Variants in ANTXRL observed in about 807,000 individuals in gnomAD.
ANTXRL encodes the protein ANTXR like, also known as anthrax toxin receptor-like.
A neutral mutation model predicts 75.4 loss-of-function variants in ANTXRL; 63 were observed. The ratio of observed to expected loss-of-function variants is 0.84; its 90% CI spans 0.68 to 1.03. The LOEUF (loss-of-function observed/expected upper bound fraction) is 1.03, where lower values mean the gene tolerates loss of function less well. ANTXRL is among the 50% of genes least tolerant of loss of function. The pLI, the probability that ANTXRL is intolerant of heterozygous loss-of-function variation, is 0.00. For synonymous variants in ANTXRL, 335 were observed against 291.3 expected (o/e 1.15, Z -1.53); for missense variants, 797 against 789.4 (o/e 1.01, Z -0.12).
chr10:46,307,378 C>A (rs782788224), intron 11 of ANTXRL, 24 bp from the exon 12 acceptor site: 2 of 1,511,130 alleles, frequency 1.3e-6, no homozygotes, highest in South Asian at 1.2e-5. Context: ...CTGGCTCTCA[C>A]CATCTGCATT....
At position 46,311,607 on chromosome 10, in the gene ANTXRL, C is replaced by G. The variant is rs781968072; in HGVS notation, c.1271C>G (p.Pro424Arg). The G allele has an allele frequency of 1.1e-5, 15 of 1,404,332 alleles. No individual in the cohort carries two copies. In the East Asian group the frequency reaches 3.2e-4, roughly 30 times the overall value. 87.0% of individuals were successfully genotyped at this position (1,404,332 alleles called of 1,614,324 possible). Reference sequence around the variant, plus strand: ...CCCCCAGCTCCTGTAAACACCTGCCCCACTGTGATTATTTGTTGCTGTGGA... The same window carrying G: ...CCCCCAGCTCCTGTAAACACCTGCCGCACTGTGATTATTTGTTGCTGTGGA... ...PPPPAPVNTC[P>R]TVIICCCGCQ... Residue 424 changes from proline to arginine, a missense_variant, in exon 15 of 17, where the codon CCC becomes CGC. Physicochemically the swap from Pro to Arg is moderately radical, Grantham distance 103. This residue lies in a region of ANTXRL where 479 missense variants were observed against 422.0 expected (regional missense o/e 1.14). Transcript: ENST00000620264.
At chr10:46,323,013 G>A (rs551317793) in intron 16 of ANTXRL, among the ~76,000 whole-genome samples, 1 of 152,228 alleles carries the variant, frequency 6.6e-6, no homozygotes, top group African/African-American at 2.4e-5. Context: ...TTTGGAGTCC[G>A]TTTATTTAAT....
At chr10:46,304,791 G>A (rs572429788) in intron 10 of ANTXRL, among the ~76,000 whole-genome samples, 1 of 151,954 alleles carries the variant, frequency 6.6e-6, no homozygotes, top group African/African-American at 2.4e-5. Context: ...AGACCCAGGC[G>A]ATCTGCCTTC....
rs782523039 is a variant in ANTXRL, at chr10:46,330,060, C to T, written c.1872C>T (p.Leu624=). ...ACACGGCAGAACCCCCTTTGTCACT[C>T]CCCCCCTCAGAGCCCAACTTCTAAG... The part of the protein sequence containing the change: ...LRHTAEPPLS[L]PPSEPNF Residue 624 remains leucine, a synonymous_variant, in exon 17 of 17, where the codon CTC becomes CTT. Coordinates refer to ENST00000620264, the MANE Select transcript of ANTXRL (RefSeq NM_001278688.3). The T allele has an allele frequency of 1.3e-6, 2 of 1,503,782 alleles. No homozygotes were observed. The highest frequency in any genetic ancestry group is 1.8e-6 in the Non-Finnish European group (2 of 1,122,856). 93.2% of individuals were successfully genotyped at this position (1,503,782 alleles called of 1,614,324 possible).
In ANTXRL at chr10:46,319,279, A is replaced by T. The variant is rs185778362; in HGVS notation, c.1410+5963A>T. ...CCACTCTCTGTCACCATCAAAAATG[A>T]GTTACTTGATCTCAGTATGGAATTC... On this transcript the variant is annotated intron_variant, in intron 16 of 16. Transcript: ENST00000620264. Among the ~76,000 whole-genome samples the T allele has an allele frequency of 3.7e-4, 57 of 152,290 alleles. 1 individual carries two copies. The highest frequency in any genetic ancestry group is 2.2e-4 in the Non-Finnish European group (15 of 68,038).
intron 9 of ANTXRL, among the ~76,000 whole-genome samples, chr10:46,300,619 C>T (rs1294403578): frequency 2.1e-4 from 32 of 152,070 alleles, no homozygotes; most frequent in Admixed American, 1.4e-3. Flanking sequence ...CCAGGTGGAG[C>T]ACAGGCACTC....
intron 2 of ANTXRL, 68 bp from the exon 3 acceptor site, chr10:46,293,761 T>C (rs1384375338): frequency 1.5e-6 from 2 of 1,312,578 alleles, no homozygotes; most frequent in Non-Finnish European, 2.1e-6. Context: ...AGGTGGGGAA[T>C]TGGCCTCACC....
intron 2 of ANTXRL, 81 bp from the exon 3 acceptor site, chr10:46,293,747 TG>T: frequency 8.7e-7 from 1 of 1,143,636 alleles, no homozygotes; most frequent in Non-Finnish European, 1.3e-6. Context: ...AGAGTTGGGG[TG>T]GGAGGTGGGG....
At chr10:46,307,556 G>C (rs1416223043) in intron 12 of ANTXRL, 76 bp downstream of exon 12, 3 of 1,359,182 alleles carry the variant, frequency 2.2e-6, no homozygotes, top group Non-Finnish European at 3.0e-6. Context: ...CACAGAAAAG[G>C]CAGACCGTTC....
At chr10:46,313,632 C>T (rs1396235143) in intron 16 of ANTXRL, among the ~76,000 whole-genome samples, 1 of 152,036 alleles carries the variant, frequency 6.6e-6, no homozygotes, top group African/African-American at 2.4e-5. Context: ...ATAGGGAGGA[C>T]CAAATTTTTA....
In ANTXRL at chr10:46,296,118, T is replaced by TCCTAAC. The variant is rs375303420; in HGVS notation, c.474+44_474+49dup. 13,994 of 1,535,244 alleles carry TCCTAAC rather than the reference T, an allele frequency of 9.1e-3. 764 individuals carry two copies. In the East Asian group the frequency reaches 0.17, roughly 18 times the overall value. On this transcript the variant is annotated intron_variant, in intron 4 of 16. Transcript: ENST00000620264. ...TTAGAAAGGTATAGACCCCTTGATC[T>TCCTAAC]CCTAACCCTAACCCTAACCCTAACC...
At chr10:46,287,982 C>A (rs1196155618) in intron 1 of ANTXRL, among the ~76,000 whole-genome samples, 2 of 152,104 alleles carry the variant, frequency 1.3e-5, no homozygotes, top group Non-Finnish European at 1.5e-5. Context: ...TTAGAGAAGG[C>A]CTTTGGTTGG....
chr10:46,319,396 T>C (rs781889149), intron 16 of ANTXRL, among the ~76,000 whole-genome samples: 13 of 152,124 alleles, frequency 8.5e-5, no homozygotes, highest in Non-Finnish European at 1.5e-4. Flanking sequence ...GATGGTTGCA[T>C]ACAACACATC....
chr10:46,327,136 C>G (rs1309794404), intron 16 of ANTXRL, among the ~76,000 whole-genome samples: 1 of 152,144 alleles, frequency 6.6e-6, no homozygotes, highest in Non-Finnish European at 1.5e-5. Context: ...AGGTGAGGAG[C>G]AGAGCCCTCA....
chr10:46,297,409 C>G lies in ANTXRL; in HGVS notation c.589C>G (p.Gln197Glu). The change falls in exon 7 of 17, where the codon CAA (glutamine) becomes GAA (glutamate). Residue 197 changes from glutamine (Q) to glutamate (E), a missense_variant. Coordinates refer to ENST00000620264, the MANE Select transcript of ANTXRL (RefSeq NM_001278688.3). ...HAFQDTLREA[Q>E]KARKLGANVY... is the part of the protein sequence containing the mutation. ...TGCAATGCCTTCTTTCCCTTAGGCT[C>G]AAAAGGCTCGGAAACTGGGGGCCAA... 6.5e-7 allele frequency: 1 copy of G among 1,535,968 alleles called. No individual in the cohort carries two copies. Among genetic ancestry groups the G allele is most frequent in the Non-Finnish European group, 8.7e-7 (1 of 1,146,776 alleles).
rs1280603684 is a variant in ANTXRL, at chr10:46,298,488, G to C, written c.796+426G>C. On this transcript the variant is annotated intron_variant, in intron 9 of 16. Transcript: ENST00000620264. ...GAGGTGCTGTGTAATATGCATGTGGGGGTGTGAGTGTACGTAGGGAGCATA... is the reference window on the plus strand; with the variant it reads ...GAGGTGCTGTGTAATATGCATGTGGCGGTGTGAGTGTACGTAGGGAGCATA... 4.0e-5 allele frequency among the ~76,000 whole-genome samples: 6 copies of C among 151,726 alleles called. No individual in the cohort carries two copies. The East Asian group carries it at 1.2e-3, about 29-fold the overall frequency.
At position 46,311,085 on chromosome 10, in the gene ANTXRL, G is replaced by A. The variant is rs562026212; in HGVS notation, c.1174-425G>A. On this transcript the variant is annotated intron_variant, in intron 14 of 16. Coordinates refer to ENST00000620264, the MANE Select transcript of ANTXRL (RefSeq NM_001278688.3). ...CCTGGGTCGGGGACCCACCCCAGGG[G>A]CCATGGGCAGTGGTGAGTAGCTGAG... 4.7e-4 allele frequency among the ~76,000 whole-genome samples: 72 copies of A among 152,236 alleles called. 1 individual carries two copies. The East Asian group carries it at 0.013, about 27-fold the overall frequency.
chr10:46,306,772 C>T (rs782431375), intron 10 of ANTXRL, 31 bp from the exon 11 acceptor site: 2 of 1,491,634 alleles, frequency 1.3e-6, no homozygotes, highest in Non-Finnish European at 9.0e-7. Context: ...GACAGGTGCA[C>T]TGACATTCTT....
chr10:46,318,629 G>C (rs555283920), intron 16 of ANTXRL, among the ~76,000 whole-genome samples: 1 of 152,166 alleles, frequency 6.6e-6, no homozygotes, highest in African/African-American at 2.4e-5. Context: ...AAAAACAAGA[G>C]GCTGACAAAA....
Sources: allele counts gnomAD v4.1 joint callset (sites outside exome capture counted in the v4.1 genomes callset), GRCh38; gene constraint gnomAD v4.1.1; regional missense constraint gnomAD v4.1.1; transcripts MANE v1.5; gene names NCBI Gene and HGNC (gene_info 2026-07-23, HGNC 2026-07-21).